RCOR1: variants seen among roughly 807,000 people sequenced by gnomAD.
The protein encoded by RCOR1 is REST corepressor 1.
A neutral mutation model predicts 64.0 loss-of-function variants in RCOR1; 12 were observed. The ratio of observed to expected loss-of-function variants is 0.19; its 90% confidence interval spans 0.12 to 0.30. The LOEUF is 0.30. Ranked by LOEUF, RCOR1 falls within the 10% of genes least tolerant of loss-of-function variation. The pLI is 1.00. For synonymous variants in RCOR1, 279 were observed against 227.2 expected (o/e 1.23, Z -2.05); for missense variants, 502 against 621.2 (o/e 0.81, Z 2.04).
chr14:102,598,051 A>G (rs1365385404), intron 2 of RCOR1, among the ~76,000 whole-genome samples: 2 of 152,000 alleles, frequency 1.3e-5, no homozygotes, highest in Admixed American at 6.6e-5. Flanking sequence ...TGAACTCCCA[A>G]CCTCAGGTGA....
At chr14:102,614,144 C>T (rs899559823) in intron 2 of RCOR1, among the ~76,000 whole-genome samples, 3 of 151,756 alleles carry the variant, frequency 2.0e-5, no homozygotes, top group Non-Finnish European at 2.9e-5. Context: ...ATCTACCCTC[C>T]TTGGCCTCCC....
At chr14:102,614,944 G>A (rs185730343) in intron 2 of RCOR1, among the ~76,000 whole-genome samples, 70 of 150,718 alleles carry the variant, frequency 4.6e-4, no homozygotes, top group Admixed American at 2.4e-3. Context: ...CCATTCTCCT[G>A]CCTCAGCCTC....
chr14:102,679,636 G>T (rs897010461), intron 2 of RCOR1, among the ~76,000 whole-genome samples: 1 of 151,942 alleles, frequency 6.6e-6, no homozygotes, highest in African/African-American at 2.4e-5. Context: ...CCGCCACCAC[G>T]CCCGGCTAAT....
intron 2 of RCOR1, among the ~76,000 whole-genome samples, chr14:102,666,550 A>G (rs1489691821): frequency 3.3e-5 from 5 of 152,194 alleles, no homozygotes; most frequent in African/African-American, 9.7e-5. Context: ...CCAGAATCCC[A>G]TCGAAGATAC....
chr14:102,630,322 A>T (rs750296291), intron 2 of RCOR1, among the ~76,000 whole-genome samples: 1 of 152,274 alleles, frequency 6.6e-6, no homozygotes, highest in Non-Finnish European at 1.5e-5. Context: ...AAGCAGCCTG[A>T]GGCTTTCACC....
chr14:102,593,339 C>T lies in RCOR1; in HGVS notation c.361+14C>T. Reference sequence around the variant, plus strand: ...ACTTCGACCCCGGTGAGTAGCGGCCCCGGCCGGCCGGCGGCGGGGATGAGC... The same window carrying T: ...ACTTCGACCCCGGTGAGTAGCGGCCTCGGCCGGCCGGCGGCGGGGATGAGC... On this transcript the variant is annotated intron_variant, in intron 2 of 11. Transcript: ENST00000262241. 1 of 1,527,730 alleles carries T rather than the reference C, an allele frequency of 6.5e-7. No individual in the cohort carries two copies. The highest frequency in any genetic ancestry group is 8.7e-7 in the Non-Finnish European group (1 of 1,145,894). The allele number at this position is 1,527,730 out of a possible 1,614,324, so 94.6% of individuals were successfully genotyped here.
chr14:102,682,058 T>C (rs112959276), intron 3 of RCOR1, 80 bp downstream of exon 3: 1 of 764,916 alleles, frequency 1.3e-6, no homozygotes, highest in Non-Finnish European at 2.2e-6. Flanking sequence ...TAAAAGCTTC[T>C]ATATGTATTA....
chr14:102,650,529 A>C (rs1180769852), intron 2 of RCOR1, among the ~76,000 whole-genome samples: 1 of 152,190 alleles, frequency 6.6e-6, no homozygotes, highest in African/African-American at 2.4e-5. Flanking sequence ...ACATTCTACA[A>C]ACCTCGCCAC....
chr14:102,625,103 C>G (rs10131189), intron 2 of RCOR1, among the ~76,000 whole-genome samples: 106,110 of 151,898 alleles, frequency 0.7, 37,171 homozygotes, highest in South Asian at 0.73. Context: ...TGGAACTCCT[C>G]ACCTCAAGGG....
chr14:102,677,522 A>G (rs1482468800), intron 2 of RCOR1, among the ~76,000 whole-genome samples: 8 of 117,458 alleles, frequency 6.8e-5, no homozygotes, highest in African/African-American at 2.1e-4. Flanking sequence ...CCTCCCAGAC[A>G]GGGTTGCGGC....
At chr14:102,681,118 T>TTA (rs1266681354) in intron 2 of RCOR1, among the ~76,000 whole-genome samples, 1 of 152,194 alleles carries the variant, frequency 6.6e-6, no homozygotes, top group Non-Finnish European at 1.5e-5. Context: ...AGATTTTTGT[T>TTA]TATAGTAGGT....
intron 2 of RCOR1, among the ~76,000 whole-genome samples, chr14:102,671,322 G>A (rs968200758): frequency 6.6e-6 from 1 of 152,096 alleles, no homozygotes; most frequent in African/African-American, 2.4e-5. Flanking sequence ...TGAGAATGTG[G>A]GAACCCAAGC....
Position 102,707,339 on chromosome 14 carries a change from T to A in RCOR1, c.499-12T>A. 6.4e-7 allele frequency: 1 copy of A among 1,566,370 alleles called. No individual in the cohort carries two copies. The highest frequency in any genetic ancestry group is 8.6e-7 in the Non-Finnish European group (1 of 1,163,762). On this transcript the variant is annotated splice_polypyrimidine_tract_variant and intron_variant, in intron 4 of 11. Coordinates refer to ENST00000262241, the MANE Select transcript of RCOR1 (RefSeq NM_015156.4). ...TGTTTGATCTAAAATTTTACTGATA[T>A]CATTTTTGTAGGCTCTTGGGATGCT... is the stretch of plus-strand genomic sequence containing the variant.
chr14:102,615,857 C>G (rs1312028751), intron 2 of RCOR1, among the ~76,000 whole-genome samples: 1 of 152,210 alleles, frequency 6.6e-6, no homozygotes, highest in Non-Finnish European at 1.5e-5. Context: ...TACACTTTCA[C>G]AACATGCTTT....
At chr14:102,623,650 C>T (rs1893921497) in intron 2 of RCOR1, among the ~76,000 whole-genome samples, 1 of 151,588 alleles carries the variant, frequency 6.6e-6, no homozygotes, top group African/African-American at 2.4e-5. Flanking sequence ...TCTCCTGATC[C>T]ACCCACCTCG....
chr14:102,686,242 C>T (rs1429132576), intron 3 of RCOR1, among the ~76,000 whole-genome samples: 3 of 152,116 alleles, frequency 2.0e-5, no homozygotes, highest in Non-Finnish European at 4.4e-5. Flanking sequence ...ATTTTTGCCC[C>T]TTAATACATT....
chr14:102,707,610 T>A, intron 5 of RCOR1, 98 bp downstream of exon 5: 1 of 1,035,808 alleles, frequency 9.7e-7, no homozygotes, highest in Non-Finnish European at 1.4e-6. Flanking sequence ...AACATAAATA[T>A]TCCCATTTTT....
rs533660269 is a variant in RCOR1 at position 102,688,302 on chromosome 14, G to C, written c.445+6324G>C. Among the ~76,000 whole-genome samples the C allele has an allele frequency of 5.1e-4, 77 of 152,286 alleles. 1 individual carries two copies. The highest frequency in any genetic ancestry group is 1.8e-3 in the African/African-American group (75 of 41,560). On this transcript the variant is annotated intron_variant, in intron 3 of 11. Coordinates refer to ENST00000262241, the MANE Select transcript of RCOR1 (RefSeq NM_015156.4). ...TTTTAAAGGTGTGAAGATGTGGAGA[G>C]GAAATCCAGCACTTAATTTTGGAGA...
intron 4 of RCOR1, among the ~76,000 whole-genome samples, chr14:102,705,142 A>G (rs982805813): frequency 4.0e-5 from 6 of 151,690 alleles, no homozygotes; most frequent in Admixed American, 2.0e-4. Context: ...AAAAAAAAAG[A>G]GGGGGGAAAG....
Sources: allele counts gnomAD v4.1 joint callset (sites outside exome capture counted in the v4.1 genomes callset), GRCh38; gene constraint gnomAD v4.1.1; transcripts MANE v1.5; gene names NCBI Gene and HGNC (gene_info 2026-07-23, HGNC 2026-07-21).